Variants in ADAMTSL1 observed in about 807,000 individuals in gnomAD.
The protein encoded by ADAMTSL1 is ADAMTS-like protein 1.
A neutral mutation model predicts 201.8 loss-of-function variants in ADAMTSL1; 126 were observed. That is an observed-to-expected ratio of 0.62 (90% confidence interval 0.54 to 0.72). ADAMTSL1 has a LOEUF of 0.72. ADAMTSL1 is among the 30% of genes least tolerant of loss of function. The pLI, the probability that ADAMTSL1 is intolerant of heterozygous loss-of-function variation, is 0.00. For synonymous variants in ADAMTSL1, 1,121 were observed against 903.4 expected, an observed-to-expected ratio of 1.24 and a Z score of -4.32; for missense variants, 2,679 against 2,277.8, an observed-to-expected ratio of 1.18 and a Z score of -3.59.
At chr9:18,312,143 G>A (rs780928265) in intron 2 of ADAMTSL1, among the ~76,000 whole-genome samples, 22 of 152,164 alleles carry the variant, frequency 1.4e-4, no homozygotes, top group East Asian at 1.9e-4. Flanking sequence ...TACAGATTAC[G>A]GATAGCTGCC....
chr9:18,382,856 G>A (rs1837617234), intron 2 of ADAMTSL1, among the ~76,000 whole-genome samples: 1 of 152,106 alleles, frequency 6.6e-6, no homozygotes, highest in African/African-American at 2.4e-5. Flanking sequence ...CTGCGAGTCT[G>A]GTCCTCTGTA....
intron 25 of ADAMTSL1, chr9:18,890,910 G>GTCAA (rs765687344): frequency 2.9e-4 from 68 of 232,488 alleles, no homozygotes; most frequent in African/African-American, 1.1e-3. Flanking sequence ...GATGGTCAGA[G>GTCAA]TCAATCAGCT....
intron 1 of ADAMTSL1, among the ~76,000 whole-genome samples, chr9:18,495,621 A>G (rs1490720155): frequency 6.6e-6 from 1 of 152,238 alleles, no homozygotes; most frequent in African/African-American, 2.4e-5. Context: ...AGTTACAGCT[A>G]CAGGTTAAGC....
At chr9:18,611,567 A>G (rs115008246) in intron 4 of ADAMTSL1, among the ~76,000 whole-genome samples, 1 of 152,210 alleles carries the variant, frequency 6.6e-6, no homozygotes, top group African/African-American at 2.4e-5. Context: ...AGTAAATAAG[A>G]CGAGAACACA....
chr9:18,129,917 A>T (rs74423570), intron 1 of ADAMTSL1, among the ~76,000 whole-genome samples: 2,859 of 152,232 alleles, frequency 0.019, 52 homozygotes, highest in Non-Finnish European at 0.028. Context: ...AACTGAGAAG[A>T]TGCTTTTAGT....
chr9:18,882,667 G>T (rs769916300), intron 23 of ADAMTSL1, among the ~76,000 whole-genome samples: 4 of 152,118 alleles, frequency 2.6e-5, no homozygotes, highest in Non-Finnish European at 4.4e-5. Flanking sequence ...CCAGGAGCTT[G>T]TGGTGAGACT....
At chr9:17,938,949 C>T (rs1311863413) in intron 1 of ADAMTSL1, among the ~76,000 whole-genome samples, 1 of 152,166 alleles carries the variant, frequency 6.6e-6, no homozygotes, top group Non-Finnish European at 1.5e-5. Context: ...AGCAGCTTCT[C>T]TGCCTAATGC....
At chr9:17,954,118 C>A (rs1827840533) in intron 1 of ADAMTSL1, among the ~76,000 whole-genome samples, 1 of 152,180 alleles carries the variant, frequency 6.6e-6, no homozygotes, top group Non-Finnish European at 1.5e-5. Flanking sequence ...CTGTCTATCA[C>A]CTCATGTGGG....
intron 2 of ADAMTSL1, among the ~76,000 whole-genome samples, chr9:18,332,232 A>G (rs1229538730): frequency 6.6e-6 from 1 of 152,224 alleles, no homozygotes; most frequent in Admixed American, 6.5e-5. Context: ...TATCTTACAT[A>G]GATGTAAACA....
chr9:17,986,058 G>A (rs1026664153), intron 1 of ADAMTSL1, among the ~76,000 whole-genome samples: 3 of 152,122 alleles, frequency 2.0e-5, no homozygotes, highest in East Asian at 1.9e-4. Context: ...AATGAATTGA[G>A]GTTTATGTGG....
At chr9:18,505,037 G>A (rs1823052222) in intron 2 of ADAMTSL1, 81 bp downstream of exon 2, 1 of 1,502,064 alleles carries the variant, frequency 6.7e-7, no homozygotes, top group Non-Finnish European at 8.9e-7. Context: ...TGGGTTTATG[G>A]AGAACATTTT....
chr9:18,584,343 G>T (rs748562317), intron 4 of ADAMTSL1, among the ~76,000 whole-genome samples: 6 of 150,816 alleles, frequency 4.0e-5, no homozygotes, highest in Non-Finnish European at 4.4e-5. Flanking sequence ...AGATGTCCCT[G>T]TCACCTTCTG....
At chr9:18,888,070 C>G (rs539864971) in intron 24 of ADAMTSL1, 27 bp downstream of exon 24, 2 of 1,599,872 alleles carry the variant, frequency 1.3e-6, no homozygotes, top group Non-Finnish European at 8.5e-7. Flanking sequence ...ACTTTGCATA[C>G]TGGACTTGAA....
intron 2 of ADAMTSL1, among the ~76,000 whole-genome samples, chr9:18,407,246 A>G (rs1005518165): frequency 1.3e-5 from 2 of 152,168 alleles, no homozygotes; most frequent in African/African-American, 4.8e-5. Context: ...AGCTAAATTG[A>G]AGGAGGAGGA....
intron 23 of ADAMTSL1, among the ~76,000 whole-genome samples, chr9:18,835,513 C>T (rs190147843): frequency 3.9e-5 from 6 of 152,056 alleles, no homozygotes; most frequent in South Asian, 2.1e-4. Context: ...AAAATAATTT[C>T]AACTTTTATT....
intron 1 of ADAMTSL1, among the ~76,000 whole-genome samples, chr9:18,494,963 G>C (rs1822458463): frequency 6.6e-6 from 1 of 152,186 alleles, no homozygotes. Flanking sequence ...AGACTGGTGG[G>C]AAGAGAGGCT....
At chr9:18,161,289 T>C (rs1827376993) in intron 1 of ADAMTSL1, among the ~76,000 whole-genome samples, 1 of 152,058 alleles carries the variant, frequency 6.6e-6, no homozygotes, top group Non-Finnish European at 1.5e-5. Context: ...TTTTGTCTAT[T>C]TAATTGGTTT....
At chr9:18,692,184 A>G (rs1196335668) in intron 13 of ADAMTSL1, among the ~76,000 whole-genome samples, 4 of 152,216 alleles carry the variant, frequency 2.6e-5, no homozygotes, top group Non-Finnish European at 5.9e-5. Flanking sequence ...TTTAAGGGAC[A>G]AATCTTTATT....
chr9:18,218,786 G>A (rs898497918), intron 2 of ADAMTSL1, among the ~76,000 whole-genome samples: 7 of 151,694 alleles, frequency 4.6e-5, no homozygotes, highest in Admixed American at 2.0e-4. Flanking sequence ...GTCAATCTTT[G>A]CATAATGATG....
Sources: allele counts gnomAD v4.1 joint callset (sites outside exome capture counted in the v4.1 genomes callset), GRCh38; gene constraint gnomAD v4.1.1; transcripts MANE v1.5; gene names NCBI Gene and HGNC (gene_info 2026-07-23, HGNC 2026-07-21).